The following PLXNA3 variants were observed in gnomAD, a reference collection of about 807,000 sequenced individuals.
PLXNA3 encodes plexin A3.
In PLXNA3, 52 loss-of-function variants were observed where a neutral mutation model predicts 118.8. The ratio of observed to expected loss-of-function variants is 0.44; its 90% CI spans 0.35 to 0.55. The LOEUF (loss-of-function observed/expected upper bound fraction) is 0.55, where lower values mean the gene tolerates loss of function less well. Ranked by LOEUF, PLXNA3 falls within the 20% of genes least tolerant of loss-of-function variation. The pLI is 0.01. For missense variants in PLXNA3, 1,660 were observed against 1,730.8 expected, an observed-to-expected ratio of 0.96 and a Z score of 0.73; for synonymous variants, 925 against 762.4, an observed-to-expected ratio of 1.21 and a Z score of -3.51.
intron 9 of PLXNA3, 71 bp downstream of exon 9, chrX:154,464,572 AG>A: frequency 1.1e-6 from 1 of 929,674 alleles, no homozygotes; most frequent in South Asian, 2.1e-5. Context: ...CGACACCTTC[AG>A]GGCAGCTGTT....
rs2069203471 is a variant in PLXNA3, at chrX:154,472,899, C to T, written c.*214C>T. ...GGGGAGGGGTGACAGGGCGAGCCCC[C>T]ACCCCAGCAGCAGCAATACCCCCAC... On this transcript the variant is annotated 3_prime_UTR_variant, in exon 33 of 33. Coordinates refer to ENST00000369682, the MANE Select transcript of PLXNA3 (RefSeq NM_017514.5). 1 of 394,904 alleles carries T rather than the reference C, an allele frequency of 2.5e-6. No individual in the cohort carries two copies. Among genetic ancestry groups the T allele is most frequent in the Non-Finnish European group, 4.5e-6 (1 of 221,203 alleles). 32.5% of individuals were successfully genotyped at this position (394,904 alleles called of 1,213,427 possible).
rs372811870 is a variant in PLXNA3, at chrX:154,467,541, C to G, written c.3442-4C>G. The G allele has an allele frequency of 2.1e-5, 25 of 1,173,891 alleles. No individual in the cohort carries two copies. The South Asian group carries it at 4.3e-4, about 20-fold the overall frequency. On this transcript the variant is annotated splice_region_variant and splice_polypyrimidine_tract_variant and intron_variant, in intron 19 of 32. Coordinates refer to ENST00000369682, the MANE Select transcript of PLXNA3 (RefSeq NM_017514.5). Reference sequence around the variant, plus strand: ...CCTGGGCTGAAGTTGTCCTCCACCCCCAGGGCAAGAACCTGATTCCCGCTG... The same window carrying G: ...CCTGGGCTGAAGTTGTCCTCCACCCGCAGGGCAAGAACCTGATTCCCGCTG...
chrX:154,461,230 G>A lies in PLXNA3; in HGVS notation c.726G>A (p.Gln242=). The A allele has an allele frequency of 8.2e-7, 1 of 1,212,660 alleles. No homozygotes were observed. Among genetic ancestry groups the A allele is most frequent in the African/African-American group, 1.7e-5 (1 of 58,141 alleles). ...SASFVYFLTL[Q]LDTQQTLLDT... The stretch of plus-strand genomic sequence containing the variant: ...CCTTCGTGTACTTCCTGACGCTGCA[G>A]CTGGACACCCAGCAGACGCTGTTGG... Residue 242 remains glutamine (Q), a synonymous_variant, in exon 3 of 33, where the codon CAG becomes CAA. Coordinates refer to ENST00000369682, the MANE Select transcript of PLXNA3 (RefSeq NM_017514.5).
Position 154,465,724 on chromosome X carries a change from C to G in PLXNA3, c.2409C>G (p.Phe803Leu), listed in dbSNP as rs1557206749. 1 of 1,210,587 alleles carries G rather than the reference C, an allele frequency of 8.3e-7. No individual in the cohort carries two copies. The highest frequency in any genetic ancestry group is 3.0e-5 in the East Asian group (1 of 33,880). ...TCTGCCTCAAGGCTGATCCCCGCTT[C>G]AACTGTGGCTGGTGCATCTCAGAGC... ...CGLCLKADPR[F>L]NCGWCISEHR... is the part of the protein sequence containing the mutation. Residue 803 changes from phenylalanine to leucine, a missense_variant, in exon 13 of 33, where the codon TTC becomes TTG. By Grantham distance (22) the Phe-to-Leu change is conservative (BLOSUM62 0). This residue lies in a region of PLXNA3 where 869 missense variants were observed against 1,078.7 expected (regional missense o/e 0.81). Coordinates refer to ENST00000369682, the MANE Select transcript of PLXNA3 (RefSeq NM_017514.5).
intron 3 of PLXNA3, 34 bp downstream of exon 3, chrX:154,461,672 C>A (rs781934679): frequency 6.2e-6 from 7 of 1,135,770 alleles, no homozygotes; most frequent in Non-Finnish European, 8.2e-6. Flanking sequence ...TGGTCCTCTG[C>A]CCTGTCCCAG....
chrX:154,471,888 A>G (rs2069188106), intron 32 of PLXNA3, among the ~76,000 whole-genome samples: 1 of 112,694 alleles, frequency 8.9e-6, no homozygotes, highest in Non-Finnish European at 1.9e-5. Context: ...ACTGGAAGGG[A>G]TGGGTCAGGC....
rs200543808 is a variant in PLXNA3 at position 154,466,201 on chromosome X, C to T, written c.2730C>T (p.Pro910=). The T allele has an allele frequency of 6.7e-5, 81 of 1,208,514 alleles. No homozygotes were observed. Among genetic ancestry groups the T allele is most frequent in the East Asian group, 8.9e-5 (3 of 33,774 alleles). ...ESLVPSPPPG[P]VELCVGDCSA... ...TGGTGCCCAGCCCGCCGCCGGGGCC[C>T]GTGGAGCTGTGTGTGGGTGACTGTT... is the stretch of plus-strand genomic sequence containing the variant. Residue 910 remains proline (P), a synonymous_variant, in exon 15 of 33, where the codon CCC becomes CCT. Transcript: ENST00000369682.
intron 1 of PLXNA3, among the ~76,000 whole-genome samples, chrX:154,459,171 C>T (rs1603388756): frequency 9.2e-6 from 1 of 109,091 alleles, no homozygotes; most frequent in East Asian, 2.9e-4. Flanking sequence ...CCCGCTCCCC[C>T]CCCGCCTCCC....
At position 154,463,938 on chromosome X, in the gene PLXNA3, C is replaced by T. The variant is rs782107694; in HGVS notation, c.1548-13C>T. On this transcript the variant is annotated splice_polypyrimidine_tract_variant and intron_variant, in intron 6 of 32. Transcript: ENST00000369682. Reference sequence around the variant, plus strand: ...GGCAGTGGCGGGACCGGCTCTGGCCCGACCCCGTGCAGGTGCTGCCGCGAA... The same window carrying T: ...GGCAGTGGCGGGACCGGCTCTGGCCTGACCCCGTGCAGGTGCTGCCGCGAA... The T allele has an allele frequency of 8.9e-5, 103 of 1,159,836 alleles. No homozygotes were observed. The highest frequency in any genetic ancestry group is 1.0e-4 in the Non-Finnish European group (88 of 870,898).
chrX:154,461,356 G>A lies in PLXNA3; in HGVS notation c.852G>A (p.Trp284Ter). 13 of 1,212,047 alleles carry A rather than the reference G, an allele frequency of 1.1e-5. No individual in the cohort carries two copies. Among genetic ancestry groups the A allele is most frequent in the South Asian group, 1.8e-5 (1 of 57,078 alleles). ...TGGAATTCCCCATCGGCTGCTCCTG[G>A]CGCGGCGTGGAGTACCGCTTGGTGC... The part of the protein sequence containing the change: ...SYVEFPIGCS[W>*]RGVEYRLVQS... Residue 284 changes from tryptophan (W) to a stop codon, truncating the protein, a stop_gained, in exon 3 of 33, where the codon TGG (tryptophan) becomes TGA (stop). Transcript: ENST00000369682. LOFTEE classifies it high-confidence loss of function.
chrX:154,471,300 C>T lies in PLXNA3; in HGVS notation c.5352C>T (p.Tyr1784=). The T allele has an allele frequency of 8.3e-7, 1 of 1,210,138 alleles. No individual in the cohort carries two copies. The highest frequency in any genetic ancestry group is 1.7e-5 in the African/African-American group (1 of 57,821). Residue 1784 remains tyrosine, a synonymous_variant, in exon 31 of 33, where the codon TAC becomes TAT. Coordinates refer to ENST00000369682, the MANE Select transcript of PLXNA3 (RefSeq NM_017514.5). Reference sequence around the variant, plus strand: ...TCTACGCCAAGGACATCCCCAACTACAAGAGCTGGGTGGAGAGGTGGGCTC... The same window carrying T: ...TCTACGCCAAGGACATCCCCAACTATAAGAGCTGGGTGGAGAGGTGGGCTC... ...KLLYAKDIPN[Y]KSWVERYYRD... is the part of the protein sequence containing the mutation.
rs1169605691 is a variant in PLXNA3 at position 154,476,515 on chromosome X, GTC to G, written c.*3832_*3833del. ...TGTCAACTATTCGTCAATAATTAAT[GTC>G]TAAAAAATATTAAGAAAGGAAGAAA... On this transcript the variant is annotated 3_prime_UTR_variant, in exon 33 of 33. Transcript: ENST00000369682. 1 of 109,257 alleles carries G rather than the reference GTC, an allele frequency of 9.2e-6. No individual in the cohort carries two copies. The highest frequency in any genetic ancestry group is 1.9e-5 in the Non-Finnish European group (1 of 52,476). 9.0% of individuals were successfully genotyped at this position (109,257 alleles called of 1,213,427 possible). A position where few individuals can be genotyped will look rare whatever the true frequency, so the allele number is the denominator to read the frequency against.
chrX:154,463,567 G>A, intron 5 of PLXNA3, 23 bp from the exon 6 acceptor site: 1 of 1,178,988 alleles, frequency 8.5e-7, no homozygotes, highest in Non-Finnish European at 1.1e-6. Context: ...GGGTGGGCTG[G>A]GTGCTGATGT....
At chrX:154,458,480 C>A (rs782098391) in intron 1 of PLXNA3, 52 bp downstream of exon 1, 1 of 111,337 alleles carries the variant, frequency 9.0e-6, no homozygotes, top group Non-Finnish European at 1.9e-5. Context: ...GCTCGGGGCC[C>A]GGGGCTCCGG....
At position 154,475,846 on chromosome X, in the gene PLXNA3, G is replaced by A. The variant is rs1429134579; in HGVS notation, c.*3161G>A. ...CAGAAATGGATGGAATCTACCAGAA[G>A]CATCATGAGAGGAAGAGGAAGGGAA... On this transcript the variant is annotated 3_prime_UTR_variant, in exon 33 of 33. Transcript: ENST00000369682. 4.5e-5 allele frequency: 5 copies of A among 112,338 alleles called. No individual in the cohort carries two copies. In the East Asian group the frequency reaches 1.1e-3, roughly 25 times the overall value. 9.3% of individuals were successfully genotyped at this position (112,338 alleles called of 1,213,427 possible). A position where few individuals can be genotyped will look rare whatever the true frequency, so the allele number is the denominator to read the frequency against.
chrX:154,468,059 C>G, intron 21 of PLXNA3, 23 bp from the exon 22 acceptor site: 1 of 1,194,027 alleles, frequency 8.4e-7, no homozygotes. Context: ...CCTGCCCACT[C>G]ATTCCCTCTC....
In PLXNA3 at chrX:154,477,764, C is replaced by G; in HGVS notation, c.*5079C>G. 1 of 392,974 alleles carries G rather than the reference C, an allele frequency of 2.5e-6. No individual in the cohort carries two copies. 32.4% of individuals were successfully genotyped at this position (392,974 alleles called of 1,213,427 possible). A position where few individuals can be genotyped will look rare whatever the true frequency, so the allele number is the denominator to read the frequency against. On this transcript the variant is annotated 3_prime_UTR_variant, in exon 33 of 33. Transcript: ENST00000369682. ...GAGGTGCCCCAGCTGCAAATAAACT[C>G]AGACTTGGAATAGTAGCGCAGTTTT...
Position 154,477,357 on chromosome X carries a change from A to AAAG in PLXNA3, c.*4674_*4676dup, listed in dbSNP as rs1286076466. ...CTCAGAAAATCTGATAGAATCTATA[A>AAAG]AAGAGCCCTAAGGCTGGAGACACTG... On this transcript the variant is annotated 3_prime_UTR_variant, in exon 33 of 33. Transcript: ENST00000369682. 3 of 112,663 alleles carry AAAG rather than the reference A, an allele frequency of 2.7e-5. No homozygotes were observed. Among genetic ancestry groups the AAAG allele is most frequent in the African/African-American group, 9.7e-5 (3 of 30,924 alleles). 9.3% of individuals were successfully genotyped at this position (112,663 alleles called of 1,213,427 possible).
At chrX:154,460,978 C>G (rs2068943236) in intron 2 of PLXNA3, 121 bp from the exon 3 acceptor site, 12 of 738,765 alleles carry the variant, frequency 1.6e-5, no homozygotes, top group South Asian at 1.0e-4. Flanking sequence ...CCTCTGCAGC[C>G]TTTCTGGCCT....
Sources: gnomAD v4.1 joint callset for allele counts (sites outside exome capture counted in the v4.1 genomes callset) on GRCh38, gnomAD v4.1.1 for gene constraint, gnomAD v4.1.1 regional missense constraint, MANE v1.5 for transcripts, NCBI Gene and HGNC (gene_info 2026-07-23, HGNC 2026-07-21) for gene names.